The following COPZ2 variants were observed in gnomAD, a reference collection of about 807,000 sequenced individuals.
COPZ2 encodes coatomer subunit zeta-2.
COPZ2 carries 30 observed loss-of-function variants against 33.2 expected under a neutral mutation model. That is an observed-to-expected ratio of 0.90 (90% confidence interval 0.68 to 1.23). The LOEUF (loss-of-function observed/expected upper bound fraction) is 1.23. Ranked by LOEUF, COPZ2 falls within the 50% of genes most tolerant of loss-of-function variation. The pLI is 0.00. For synonymous variants in COPZ2, 89 were observed against 102.6 expected, an observed-to-expected ratio of 0.87 and a Z score of 0.80; for missense variants, 263 against 262.4, an observed-to-expected ratio of 1.00 and a Z score of -0.02.
upstream of COPZ2, among the ~76,000 whole-genome samples, chr17:48,041,940 C>T (rs2037066105): frequency 6.6e-6 from 1 of 151,100 alleles, no homozygotes; most frequent in African/African-American, 2.5e-5. Context: ...AGAGGAAGAC[C>T]TGGGAAGATA....
upstream of COPZ2, among the ~76,000 whole-genome samples, chr17:48,039,485 G>A (rs112257401): frequency 7.6e-6 from 1 of 132,164 alleles, no homozygotes; most frequent in Non-Finnish European, 1.6e-5. Flanking sequence ...AAAAAAAAAA[G>A]AAGAAGAAGA....
At chr17:48,030,278 C>A (rs2036874942) in intron 6 of COPZ2, among the ~76,000 whole-genome samples, 1 of 142,546 alleles carries the variant, frequency 7.0e-6, no homozygotes, top group Non-Finnish European at 1.5e-5. Context: ...CAGAGTGAGA[C>A]TCCATCTCAA....
At chr17:48,038,639 A>G (rs997201431), upstream of COPZ2, among the ~76,000 whole-genome samples, 1 of 152,214 alleles carries the variant, frequency 6.6e-6, no homozygotes, top group Non-Finnish European at 1.5e-5. Context: ...ATTTTAAGCA[A>G]AGAGAGACTC....
At chr17:48,032,090 C>T (rs1354856305) in intron 6 of COPZ2, 66 bp downstream of exon 6, 1 of 1,312,294 alleles carries the variant, frequency 7.6e-7, no homozygotes, top group Non-Finnish European at 1.1e-6. Flanking sequence ...ATGCTGGGTG[C>T]CATCTGGGGC....
chr17:48,036,068 C>T (rs2036979043), intron 2 of COPZ2, among the ~76,000 whole-genome samples: 1 of 152,176 alleles, frequency 6.6e-6, no homozygotes, highest in Non-Finnish European at 1.5e-5. Flanking sequence ...TAATGCATTT[C>T]ATAGCTAATG....
intron 2 of COPZ2, among the ~76,000 whole-genome samples, chr17:48,036,587 C>T (rs570462819): frequency 1.4e-3 from 212 of 152,162 alleles, no homozygotes; most frequent in Non-Finnish European, 2.2e-3. Flanking sequence ...CTCCACTGAC[C>T]CATTAGGCAG....
intron 6 of COPZ2, 28 bp downstream of exon 6, chr17:48,032,128 T>C: frequency 6.3e-7 from 1 of 1,590,158 alleles, no homozygotes; most frequent in East Asian, 2.2e-5. Context: ...ACTCCTGCTG[T>C]GAGTGTCCCT....
At chr17:48,040,469 C>T (rs556990249), upstream of COPZ2, among the ~76,000 whole-genome samples, 203 of 148,946 alleles carry the variant, frequency 1.4e-3, 2 homozygotes, top group Non-Finnish European at 2.4e-3. Flanking sequence ...AGTCTTGCTC[C>T]GTCACCAGGC....
In COPZ2 at chr17:48,028,500, C is replaced by T. The variant is rs1411848326; in HGVS notation, c.557G>A (p.Gly186Asp). The T allele has an allele frequency of 3.1e-6, 5 of 1,608,498 alleles. No homozygotes were observed. Among genetic ancestry groups the T allele is most frequent in the Non-Finnish European group, 4.2e-6 (5 of 1,177,510 alleles). Reference sequence around the variant, plus strand: ...GGCCACACTCTGTTCAGTCAAGCCGCCATCATCTGCCTGTAAGGAAGCAGA... The same window carrying T: ...GGCCACACTCTGTTCAGTCAAGCCGTCATCATCTGCCTGTAAGGAAGCAGA... ...IQKVNFRADD[G>D]GLTEQSVAQV... The change falls in exon 8 of 9, where the codon GGC becomes GAC. Residue 186 changes from glycine (G) to aspartate (D), a missense_variant. Physicochemically the swap from Gly to Asp is moderately conservative, Grantham distance 94. Transcript: ENST00000621465. The surrounding 1 kb of genome is among the most constrained non-coding windows in gnomAD (Gnocchi z 4.5).
At chr17:48,042,847 A>G (rs1048030199), upstream of COPZ2, among the ~76,000 whole-genome samples, 11 of 152,188 alleles carry the variant, frequency 7.2e-5, no homozygotes, top group Non-Finnish European at 1.3e-4. Context: ...ATTCTCCCCA[A>G]TGATAACCCC....
rs977789337 is a variant in COPZ2, at chr17:48,028,597, G to A, written c.547-87C>T. Reference sequence around the variant, plus strand: ...GTGAAGGAAAGGGGCTTGGGGGTATGGGTGAGGTGGTGCAGTGGTTAGGGT... The same window carrying A: ...GTGAAGGAAAGGGGCTTGGGGGTATAGGTGAGGTGGTGCAGTGGTTAGGGT... On this transcript the variant is annotated intron_variant, in intron 7 of 8. Transcript: ENST00000621465. This position sits in a 1 kb window ranked among gnomAD's most constrained non-coding sequence, Gnocchi z 4.5. 45 of 1,268,414 alleles carry A rather than the reference G, an allele frequency of 3.5e-5. No homozygotes were observed. The highest frequency in any genetic ancestry group is 1.3e-5 in the South Asian group (1 of 76,290). The allele number at this position is 1,268,414 out of a possible 1,614,324, so 78.6% of individuals were successfully genotyped here. A position where few individuals can be genotyped will look rare whatever the true frequency, so the allele number is the denominator to read the frequency against.
At chr17:48,034,385 C>T (rs1471092722) in intron 2 of COPZ2, among the ~76,000 whole-genome samples, 1 of 152,192 alleles carries the variant, frequency 6.6e-6, no homozygotes, top group Non-Finnish European at 1.5e-5. Context: ...GGATTACAGG[C>T]ATGAGCCACT....
rs1216915087 is a variant in COPZ2 at position 48,028,631 on chromosome 17, G to C, written c.547-121C>G. ...GGTGCAGTGGTTAGGGTGATTCAGAGCTGCACCTGTGTCACTGGTTAATAG... is the reference window on the plus strand; with the variant it reads ...GGTGCAGTGGTTAGGGTGATTCAGACCTGCACCTGTGTCACTGGTTAATAG... On this transcript the variant is annotated intron_variant, in intron 7 of 8. Coordinates refer to ENST00000621465, the MANE Select transcript of COPZ2 (RefSeq NM_016429.4). This position sits in a 1 kb window ranked among gnomAD's most constrained non-coding sequence, Gnocchi z 4.5. 8.2e-6 allele frequency: 7 copies of C among 852,004 alleles called. No homozygotes were observed. Among genetic ancestry groups the C allele is most frequent in the Non-Finnish European group, 1.3e-5 (7 of 544,666 alleles). 52.8% of individuals were successfully genotyped at this position (852,004 alleles called of 1,614,324 possible).
chr17:48,044,585 G>C, the COPZ2 span, among the ~76,000 whole-genome samples: 7 of 151,950 alleles, frequency 4.6e-5, no homozygotes, highest in Non-Finnish European at 1.0e-4. Context: ...TATTTCTTAC[G>C]AGCTACCCAC....
At chr17:48,044,085 G>A in the COPZ2 span, among the ~76,000 whole-genome samples, 15 of 152,318 alleles carry the variant, frequency 9.8e-5, no homozygotes, top group African/African-American at 2.9e-4. Context: ...AGTGGCTCAC[G>A]CCTGTAATCC....
At position 48,029,475 on chromosome 17, in the gene COPZ2, C is replaced by T. The variant is rs2036860850; in HGVS notation, c.495-299G>A. 4 of 475,340 alleles carry T rather than the reference C, an allele frequency of 8.4e-6. No homozygotes were observed. In the South Asian group the frequency reaches 1.1e-4, roughly 13 times the overall value. The allele number at this position is 475,340 out of a possible 1,614,324, so 29.4% of individuals were successfully genotyped here. A position where few individuals can be genotyped will look rare whatever the true frequency, so the allele number is the denominator to read the frequency against. On this transcript the variant is annotated intron_variant, in intron 6 of 8. Coordinates refer to ENST00000621465, the MANE Select transcript of COPZ2 (RefSeq NM_016429.4). ...GATCAGGTTGTCAAAAGCAGGGACTCTCAAAACTCAGAGCTCTTGAAAGTT... is the reference window on the plus strand; with the variant it reads ...GATCAGGTTGTCAAAAGCAGGGACTTTCAAAACTCAGAGCTCTTGAAAGTT...
chr17:48,031,008 C>A lies in COPZ2; in HGVS notation c.494+1148G>T, dbSNP rs887645931. ...TACAGTGCCATAGAAACAGCATGGC[C>A]TCTGGAACTATTCACATGGTTTTAG... On this transcript the variant is annotated intron_variant, in intron 6 of 8. Coordinates refer to ENST00000621465, the MANE Select transcript of COPZ2 (RefSeq NM_016429.4). Among the ~76,000 whole-genome samples the A allele has an allele frequency of 3.3e-5, 5 of 152,198 alleles. No homozygotes were observed. The South Asian group carries it at 8.3e-4, about 25-fold the overall frequency.
intron 6 of COPZ2, chr17:48,029,559 C>A: frequency 3.5e-6 from 1 of 282,772 alleles, no homozygotes; most frequent in Non-Finnish European, 6.4e-6. Context: ...GAAGAGAGGC[C>A]CTGGGGGTTC....
Position 48,026,330 on chromosome 17 carries a change from G to T in COPZ2, c.*98C>A. On this transcript the variant is annotated 3_prime_UTR_variant, in exon 9 of 9. Coordinates refer to ENST00000621465, the MANE Select transcript of COPZ2 (RefSeq NM_016429.4). ...TAGGAGTCAGTTCTGGGAGGGACCTGGGGATACAGAGGGGTCTCTCCTGAC... is the reference window on the plus strand; with the variant it reads ...TAGGAGTCAGTTCTGGGAGGGACCTTGGGATACAGAGGGGTCTCTCCTGAC... 1.1e-6 allele frequency: 1 copy of T among 945,680 alleles called. No individual in the cohort carries two copies. The highest frequency in any genetic ancestry group is 1.7e-6 in the Non-Finnish European group (1 of 597,394). The allele number at this position is 945,680 out of a possible 1,614,324, so 58.6% of individuals were successfully genotyped here.
Sources: allele counts gnomAD v4.1 joint callset (sites outside exome capture counted in the v4.1 genomes callset), GRCh38; gene constraint gnomAD v4.1.1; non-coding constraint Gnocchi (gnomAD v3.1); transcripts MANE v1.5; gene names NCBI Gene and HGNC (gene_info 2026-07-23, HGNC 2026-07-21).